FAM124B: variants seen among roughly 807,000 people sequenced by gnomAD.
FAM124B encodes family with sequence similarity 124 member B.
In FAM124B, 18 loss-of-function variants were observed where a neutral mutation model predicts 19.7. The ratio of observed to expected loss-of-function variants is 0.92; its 90% CI spans 0.63 to 1.36. FAM124B has a LOEUF of 1.36. FAM124B is among the 40% of genes most tolerant of loss of function. The pLI is 0.00. For missense variants in FAM124B, 540 were observed against 553.3 expected, an observed-to-expected ratio of 0.98 and a Z score of 0.24; for synonymous variants, 223 against 225.2, an observed-to-expected ratio of 0.99 and a Z score of 0.09.
chr2:224,388,544 A>G (rs1335084955), intron 1 of FAM124B, among the ~76,000 whole-genome samples: 9 of 152,206 alleles, frequency 5.9e-5, no homozygotes, highest in Non-Finnish European at 1.2e-4. Context: ...CAGAAAGTAG[A>G]ATCGAGGTTA....
At chr2:224,386,296 C>G (rs1253015823) in intron 1 of FAM124B, among the ~76,000 whole-genome samples, 2 of 152,134 alleles carry the variant, frequency 1.3e-5, no homozygotes, top group African/African-American at 4.8e-5. Flanking sequence ...TGTGCATCCT[C>G]TAGCCCTTTT....
rs770839396 is a variant in FAM124B, at chr2:224,401,959, A to G, written c.-191T>C. On this transcript the variant is annotated 5_prime_UTR_variant, in exon 1 of 2. Coordinates refer to ENST00000409685, the MANE Select transcript of FAM124B (RefSeq NM_001122779.2). ...CCACCCGTGGACTTACGGCAAGAGA[A>G]GCTCACACCAGCTCGGGTTCAGCAG... 49 of 599,536 alleles carry G rather than the reference A, an allele frequency of 8.2e-5. No individual in the cohort carries two copies. The highest frequency in any genetic ancestry group is 8.8e-4 in the Middle Eastern group (2 of 2,262). 37.1% of individuals were successfully genotyped at this position (599,536 alleles called of 1,614,324 possible).
At chr2:224,399,287 A>C (rs1298397400) in intron 1 of FAM124B, among the ~76,000 whole-genome samples, 1 of 152,254 alleles carries the variant, frequency 6.6e-6, no homozygotes, top group East Asian at 1.9e-4. Flanking sequence ...GAGAGTCGCT[A>C]AAACTGAAAG....
chr2:224,395,570 C>T (rs1689955707), intron 1 of FAM124B, among the ~76,000 whole-genome samples: 1 of 152,174 alleles, frequency 6.6e-6, no homozygotes, highest in Non-Finnish European at 1.5e-5. Flanking sequence ...TCATTTTGCA[C>T]CCACTAAGAA....
intron 1 of FAM124B, among the ~76,000 whole-genome samples, chr2:224,387,456 A>G (rs1421702627): frequency 2.0e-5 from 3 of 152,100 alleles, no homozygotes; most frequent in East Asian, 3.8e-4. Flanking sequence ...ACACTGGGGA[A>G]AAAAAATGAC....
chr2:224,382,039 A>G (rs1176620000), intron 1 of FAM124B, among the ~76,000 whole-genome samples: 1 of 152,192 alleles, frequency 6.6e-6, no homozygotes, highest in African/African-American at 2.4e-5. Context: ...CAATTTTCTG[A>G]TAGAAATGGT....
Position 224,397,784 on chromosome 2 carries a change from G to C in FAM124B, c.732+3253C>G, listed in dbSNP as rs185879538. Among the ~76,000 whole-genome samples, 181 of 152,298 alleles carry C rather than the reference G, an allele frequency of 1.2e-3. 1 individual carries two copies. The highest frequency in any genetic ancestry group is 4.1e-3 in the African/African-American group (172 of 41,566). Reference sequence around the variant, plus strand: ...GATTTGTGGAACTTTGAACTTGAGGGAGATGATTTAGGGTATCTGGCAGAA... The same window carrying C: ...GATTTGTGGAACTTTGAACTTGAGGCAGATGATTTAGGGTATCTGGCAGAA... On this transcript the variant is annotated intron_variant, in intron 1 of 1. Transcript: ENST00000409685.
In FAM124B at chr2:224,390,424, C is replaced by T. The variant is rs144775307; in HGVS notation, c.733-10216G>A. On this transcript the variant is annotated intron_variant, in intron 1 of 1. Coordinates refer to ENST00000409685, the MANE Select transcript of FAM124B (RefSeq NM_001122779.2). ...CAGACAGCTCAACTGAGAAGCCAGG[C>T]ATAGAAAGACGGCAAGATACCAGAG... 5.5e-4 allele frequency among the ~76,000 whole-genome samples: 84 copies of T among 151,960 alleles called. No homozygotes were observed. The East Asian group carries it at 0.016, about 29-fold the overall frequency.
At position 224,379,940 on chromosome 2, in the gene FAM124B, A is replaced by T; in HGVS notation, c.1001T>A (p.Leu334Gln). 6.4e-7 allele frequency: 1 copy of T among 1,551,842 alleles called. No individual in the cohort carries two copies. Among genetic ancestry groups the T allele is most frequent in the Admixed American group, 2.0e-5 (1 of 51,006 alleles). The change falls in exon 2 of 2, where the codon CTG (leucine) becomes CAG (glutamine). Residue 334 changes from leucine (L) to glutamine (Q), a missense_variant. By Grantham distance (113) the Leu-to-Gln change is moderately radical. Coordinates refer to ENST00000409685, the MANE Select transcript of FAM124B (RefSeq NM_001122779.2). ...SSPAMGAHLH[L>Q]SSHHLESGAR... ...CCCGGATTCAAGGTGATGAGAAGAC[A>T]GGTGCAGGTGGGCACCCATAGCTGG...
intron 1 of FAM124B, among the ~76,000 whole-genome samples, chr2:224,383,348 A>C (rs1350571961): frequency 1.3e-5 from 2 of 150,230 alleles, no homozygotes; most frequent in Non-Finnish European, 3.0e-5. Flanking sequence ...CATACACCCG[A>C]CCTCCTCCTC....
At chr2:224,381,389 G>C (rs547206996) in intron 1 of FAM124B, among the ~76,000 whole-genome samples, 1 of 152,270 alleles carries the variant, frequency 6.6e-6, no homozygotes, top group African/African-American at 2.4e-5. Flanking sequence ...CCAGGAGTTC[G>C]AGGTTAAATT....
At chr2:224,398,029 G>A (rs183335413) in intron 1 of FAM124B, among the ~76,000 whole-genome samples, 54 of 152,278 alleles carry the variant, frequency 3.5e-4, no homozygotes, top group Non-Finnish European at 5.6e-4. Flanking sequence ...CCCAAGCCAC[G>A]TGGAACTGTG....
intron 1 of FAM124B, among the ~76,000 whole-genome samples, chr2:224,394,030 C>T (rs1689929840): frequency 6.6e-6 from 1 of 152,156 alleles, no homozygotes; most frequent in African/African-American, 2.4e-5. Flanking sequence ...CTGTAGCACA[C>T]CTGAGAAGCC....
chr2:224,387,584 A>C (rs1283794837), intron 1 of FAM124B, among the ~76,000 whole-genome samples: 1 of 152,218 alleles, frequency 6.6e-6, no homozygotes, highest in East Asian at 1.9e-4. Flanking sequence ...TATTTTCATC[A>C]ATTGGCCAAA....
At chr2:224,392,761 A>C (rs962877762) in intron 1 of FAM124B, among the ~76,000 whole-genome samples, 1 of 151,852 alleles carries the variant, frequency 6.6e-6, no homozygotes, top group Non-Finnish European at 1.5e-5. Context: ...TCTCAAAAAA[A>C]AAAAACAACA....
At chr2:224,389,037 A>G (rs751791861) in intron 1 of FAM124B, among the ~76,000 whole-genome samples, 3 of 152,146 alleles carry the variant, frequency 2.0e-5, no homozygotes, top group Non-Finnish European at 4.4e-5. Flanking sequence ...GGCTCAACCA[A>G]TTCTCTGCCT....
At chr2:224,390,114 T>C (rs1258723410) in intron 1 of FAM124B, among the ~76,000 whole-genome samples, 1 of 131,700 alleles carries the variant, frequency 7.6e-6, no homozygotes, top group South Asian at 2.6e-4. Flanking sequence ...GTCTTTGAAA[T>C]ACACACACAC....
At chr2:224,397,034 C>T (rs1386596881) in intron 1 of FAM124B, among the ~76,000 whole-genome samples, 1 of 152,046 alleles carries the variant, frequency 6.6e-6, no homozygotes, top group Non-Finnish European at 1.5e-5. Context: ...ATTTTCTTTT[C>T]TTTTCTTCTC....
chr2:224,382,214 T>C (rs1368749174), intron 1 of FAM124B, among the ~76,000 whole-genome samples: 1 of 152,250 alleles, frequency 6.6e-6, no homozygotes, highest in Non-Finnish European at 1.5e-5. Flanking sequence ...CCAACTCTGC[T>C]GCAGAGCAGC....
Sources: allele counts gnomAD v4.1 joint callset (sites outside exome capture counted in the v4.1 genomes callset), GRCh38; gene constraint gnomAD v4.1.1; transcripts MANE v1.5; gene names NCBI Gene and HGNC (gene_info 2026-07-23, HGNC 2026-07-21).